Variants in PDE4B observed in about 807,000 individuals in gnomAD.
PDE4B encodes the protein phosphodiesterase 4B.
Under a neutral mutation model 82.2 loss-of-function variants are expected in PDE4B, and 20 were observed. That is an observed-to-expected ratio of 0.24 (90% CI 0.17 to 0.35). The LOEUF (loss-of-function observed/expected upper bound fraction) is 0.35, where lower values mean the gene tolerates loss of function less well. Among genes scored for constraint, PDE4B ranks in the 10% least tolerant of loss-of-function variants. PDE4B has a pLI of 1.00. For synonymous variants in PDE4B, 320 were observed against 318.9 expected, an observed-to-expected ratio of 1.00 and a Z score of -0.04; for missense variants, 655 against 907.2, an observed-to-expected ratio of 0.72 and a Z score of 3.57.
intron 3 of PDE4B, among the ~76,000 whole-genome samples, chr1:66,224,939 G>T (rs1424137228): frequency 1.3e-5 from 2 of 152,140 alleles, no homozygotes; most frequent in East Asian, 1.9e-4. Flanking sequence ...GAAAATAGAA[G>T]AAATCACAAG....
chr1:66,104,182 T>A (rs1395566779), intron 3 of PDE4B, among the ~76,000 whole-genome samples: 1 of 150,554 alleles, frequency 6.6e-6, no homozygotes, highest in East Asian at 2.0e-4. Flanking sequence ...AGTGAGAATA[T>A]ATGGTGTTTG....
chr1:66,183,874 C>T (rs965540826), intron 3 of PDE4B, among the ~76,000 whole-genome samples: 2 of 152,148 alleles, frequency 1.3e-5, no homozygotes, highest in African/African-American at 4.8e-5. Flanking sequence ...AACATAGGTG[C>T]ATAAGACAAA....
intron 3 of PDE4B, among the ~76,000 whole-genome samples, chr1:66,114,052 G>A (rs1645542449): frequency 6.6e-6 from 1 of 152,158 alleles, no homozygotes; most frequent in South Asian, 2.1e-4. Flanking sequence ...AGGCCTTTGG[G>A]AAGTTATTAG....
chr1:65,972,308 G>A (rs1002255022), intron 3 of PDE4B, among the ~76,000 whole-genome samples: 4 of 151,502 alleles, frequency 2.6e-5, no homozygotes, highest in Non-Finnish European at 5.9e-5. Flanking sequence ...GGCCCACTGG[G>A]CAAATGTGTA....
At chr1:65,877,733 C>G (rs1315182228) in intron 1 of PDE4B, among the ~76,000 whole-genome samples, 2 of 151,694 alleles carry the variant, frequency 1.3e-5, no homozygotes, top group Non-Finnish European at 2.9e-5. Flanking sequence ...CAAAAATTAA[C>G]TCAAGATGGA....
intron 1 of PDE4B, among the ~76,000 whole-genome samples, chr1:65,897,456 A>G (rs1646923801): frequency 6.6e-6 from 1 of 152,018 alleles, no homozygotes; most frequent in African/African-American, 2.4e-5. Flanking sequence ...TGGAGTATGA[A>G]TGGTTCCATC....
At chr1:65,904,953 T>C (rs1647012685) in intron 1 of PDE4B, among the ~76,000 whole-genome samples, 1 of 152,160 alleles carries the variant, frequency 6.6e-6, no homozygotes, top group East Asian at 1.9e-4. Flanking sequence ...ATAGCTGACA[T>C]TTGCAGTTTA....
chr1:65,965,821 G>T, intron 3 of PDE4B, among the ~76,000 whole-genome samples: 1 of 152,090 alleles, frequency 6.6e-6, no homozygotes, highest in Middle Eastern at 3.2e-3. Flanking sequence ...AATAGATGCA[G>T]AAAAGGCCTG....
At chr1:66,120,523 T>G (rs535111237) in intron 3 of PDE4B, among the ~76,000 whole-genome samples, 1 of 152,180 alleles carries the variant, frequency 6.6e-6, no homozygotes, top group Non-Finnish European at 1.5e-5. Flanking sequence ...CAACTTGGAC[T>G]CAGTACACAA....
At chr1:66,029,875 T>G (rs1364424929) in intron 3 of PDE4B, among the ~76,000 whole-genome samples, 2 of 152,174 alleles carry the variant, frequency 1.3e-5, no homozygotes, top group Non-Finnish European at 2.9e-5. Context: ...CAATAAATGA[T>G]CTTTGCTAGA....
intron 1 of PDE4B, among the ~76,000 whole-genome samples, chr1:65,871,575 A>AT (rs1646573473): frequency 6.6e-6 from 1 of 152,348 alleles, no homozygotes; most frequent in East Asian, 1.9e-4. Flanking sequence ...CCTGGCACAT[A>AT]GCTAATTAGA....
chr1:66,223,487 A>G (rs1202520507), intron 3 of PDE4B, among the ~76,000 whole-genome samples: 2 of 152,210 alleles, frequency 1.3e-5, no homozygotes, highest in Non-Finnish European at 2.9e-5. Flanking sequence ...ATTTTGCTCC[A>G]TAAGGCTTGA....
chr1:66,372,186 C>T, intron 16 of PDE4B, 127 bp from the exon 17 acceptor site: 1 of 970,502 alleles, frequency 1.0e-6, no homozygotes, highest in Non-Finnish European at 1.5e-6. Flanking sequence ...GTGCCCAAAT[C>T]ATGGAATCCA....
At chr1:66,367,635 A>T in intron 13 of PDE4B, 61 bp from the exon 14 acceptor site, 1 of 1,377,766 alleles carries the variant, frequency 7.3e-7, no homozygotes, top group Non-Finnish European at 1.0e-6. Flanking sequence ...ACTTTGAGAT[A>T]ATGCCAACAT....
At chr1:65,861,775 G>C (rs1372654685) in intron 1 of PDE4B, among the ~76,000 whole-genome samples, 1 of 152,102 alleles carries the variant, frequency 6.6e-6, no homozygotes, top group East Asian at 1.9e-4. Flanking sequence ...TCTCTTGTAA[G>C]TTGTATTCCT....
chr1:65,950,233 G>A (rs1380947704), intron 3 of PDE4B, among the ~76,000 whole-genome samples: 5 of 151,870 alleles, frequency 3.3e-5, no homozygotes, highest in Admixed American at 1.3e-4. Flanking sequence ...GAGTATTGTC[G>A]CAGCTATTGC....
intron 3 of PDE4B, among the ~76,000 whole-genome samples, chr1:66,108,815 G>A (rs1570256864): frequency 6.6e-6 from 1 of 152,032 alleles, no homozygotes; most frequent in East Asian, 1.9e-4. Flanking sequence ...TGCTTACAAA[G>A]CTGTTTTAAG....
chr1:66,323,695 A>C (rs1417303901), intron 7 of PDE4B, among the ~76,000 whole-genome samples: 3 of 152,198 alleles, frequency 2.0e-5, no homozygotes, highest in Non-Finnish European at 4.4e-5. Flanking sequence ...CCATTAAAAT[A>C]GATACTATTA....
chr1:66,372,705 T>G lies in PDE4B; in HGVS notation c.*27T>G. The G allele has an allele frequency of 6.3e-7, 1 of 1,587,890 alleles. No homozygotes were observed. The highest frequency in any genetic ancestry group is 8.6e-7 in the Non-Finnish European group (1 of 1,165,948). On this transcript the variant is annotated 3_prime_UTR_variant, in exon 17 of 17. Coordinates refer to ENST00000341517, the MANE Select transcript of PDE4B (RefSeq NM_002600.4). ...CCCCCTCTCCCTGTGGAGATGAACA[T>G]TCTATCCTTGATGAGCATGCCAGCT...
Sources: gnomAD v4.1 joint callset for allele counts (sites outside exome capture counted in the v4.1 genomes callset) on GRCh38, gnomAD v4.1.1 for gene constraint, MANE v1.5 for transcripts, NCBI Gene and HGNC (gene_info 2026-07-23, HGNC 2026-07-21) for gene names.